The following NXPH1 variants were observed in gnomAD, a reference collection of about 807,000 sequenced individuals.
NXPH1 encodes the protein neurexophilin 1, also known as neurexophilin-1.
NXPH1 carries 5 observed loss-of-function variants against 23.7 expected under a neutral mutation model. The observed-to-expected ratio is 0.21, with a 90% CI of 0.11 to 0.44. The LOEUF is 0.44. NXPH1 is among the 20% of genes least tolerant of loss of function. The pLI is 0.99. For missense variants in NXPH1, 324 were observed against 321.6 expected, an observed-to-expected ratio of 1.01 and a Z score of -0.06; for synonymous variants, 144 against 122.2, an observed-to-expected ratio of 1.18 and a Z score of -1.18.
At chr7:8,613,822 T>A (rs1243106127) in intron 2 of NXPH1, among the ~76,000 whole-genome samples, 1 of 151,886 alleles carries the variant, frequency 6.6e-6, no homozygotes, top group African/African-American at 2.4e-5. Flanking sequence ...GGAACATATA[T>A]CTTGGCCATC....
intron 2 of NXPH1, among the ~76,000 whole-genome samples, chr7:8,726,017 GAA>G (rs1025294930): frequency 9.9e-5 from 15 of 152,262 alleles, no homozygotes; most frequent in African/African-American, 3.4e-4. Context: ...GCTTCCAGGT[GAA>G]ACTCTGGATA....
intron 2 of NXPH1, among the ~76,000 whole-genome samples, chr7:8,737,643 G>A (rs909248250): frequency 2.6e-5 from 4 of 152,098 alleles, no homozygotes; most frequent in African/African-American, 9.7e-5. Flanking sequence ...TATCTTTGTG[G>A]CATTCTCTGT....
chr7:8,579,888 G>A (rs897846195), intron 2 of NXPH1, among the ~76,000 whole-genome samples: 6 of 152,220 alleles, frequency 3.9e-5, no homozygotes, highest in South Asian at 2.1e-4. Context: ...ATCTAGAAGC[G>A]GGTCAGGCAT....
chr7:8,655,288 G>C (rs536633577), intron 2 of NXPH1, among the ~76,000 whole-genome samples: 3 of 152,076 alleles, frequency 2.0e-5, no homozygotes, highest in African/African-American at 7.2e-5. Context: ...GGGAGGCTGA[G>C]GTGGGAGAAT....
intron 2 of NXPH1, among the ~76,000 whole-genome samples, chr7:8,708,748 C>T (rs903690781): frequency 1.3e-5 from 2 of 152,060 alleles, no homozygotes; most frequent in Admixed American, 1.3e-4. Flanking sequence ...TATTATCATA[C>T]TATGAAGAAT....
intron 2 of NXPH1, among the ~76,000 whole-genome samples, chr7:8,492,985 A>C (rs1817275866): frequency 6.6e-6 from 1 of 152,030 alleles, no homozygotes; most frequent in Non-Finnish European, 1.5e-5. Flanking sequence ...TATTAGAGTC[A>C]ATGAGCACAG....
chr7:8,746,232 G>GT (rs60484823), intron 2 of NXPH1, among the ~76,000 whole-genome samples: 2 of 151,986 alleles, frequency 1.3e-5, no homozygotes, highest in African/African-American at 4.8e-5. Flanking sequence ...GAACCTTCCT[G>GT]TTTTTTTCCA....
intron 2 of NXPH1, among the ~76,000 whole-genome samples, chr7:8,507,562 TC>T (rs1431096845): frequency 6.6e-6 from 1 of 152,048 alleles, no homozygotes; most frequent in Non-Finnish European, 1.5e-5. Flanking sequence ...TTCTAGTAGT[TC>T]CCCCAGTGGT....
intron 2 of NXPH1, among the ~76,000 whole-genome samples, chr7:8,532,460 A>ATT (rs1260011264): frequency 2.8e-5 from 1 of 36,192 alleles, no homozygotes; most frequent in Non-Finnish European, 5.0e-5. Context: ...ATCCTTTCAT[A>ATT]TTTTTTTTGG....
chr7:8,671,069 T>C (rs1820861712), intron 2 of NXPH1, among the ~76,000 whole-genome samples: 1 of 152,214 alleles, frequency 6.6e-6, no homozygotes, highest in Admixed American at 6.5e-5. Context: ...CACAGATACA[T>C]ACCATTCAAC....
chr7:8,540,136 T>C (rs1818091148), intron 2 of NXPH1, among the ~76,000 whole-genome samples: 1 of 151,804 alleles, frequency 6.6e-6, no homozygotes, highest in African/African-American at 2.4e-5. Flanking sequence ...GATTCTTATT[T>C]GGGGAAGATC....
intron 2 of NXPH1, among the ~76,000 whole-genome samples, chr7:8,552,889 C>T (rs1354539210): frequency 6.6e-6 from 1 of 151,412 alleles, no homozygotes. Context: ...ATTATTTTTT[C>T]CTTTTTTAAA....
chr7:8,579,216 C>T (rs907926336), intron 2 of NXPH1, among the ~76,000 whole-genome samples: 15 of 152,016 alleles, frequency 9.9e-5, no homozygotes, highest in Non-Finnish European at 1.9e-4. Context: ...AGATAGAGAG[C>T]GAGCAACCAA....
At chr7:8,714,366 C>T (rs2115200409) in intron 2 of NXPH1, among the ~76,000 whole-genome samples, 1 of 152,006 alleles carries the variant, frequency 6.6e-6, no homozygotes, top group East Asian at 2.0e-4. Context: ...CAGGATAGGT[C>T]CAGAGATGCC....
chr7:8,661,753 T>A (rs1288527052), intron 2 of NXPH1, among the ~76,000 whole-genome samples: 1 of 152,126 alleles, frequency 6.6e-6, no homozygotes, highest in Non-Finnish European at 1.5e-5. Flanking sequence ...TTTTCAAGTA[T>A]AAAGGTAGTA....
chr7:8,666,524 G>C (rs1411778631), intron 2 of NXPH1, among the ~76,000 whole-genome samples: 1 of 152,158 alleles, frequency 6.6e-6, no homozygotes, highest in East Asian at 1.9e-4. Flanking sequence ...CCTGGTGTTG[G>C]TATCAGGGTA....
At chr7:8,734,151 T>G (rs1258446395) in intron 2 of NXPH1, among the ~76,000 whole-genome samples, 1 of 152,238 alleles carries the variant, frequency 6.6e-6, no homozygotes, top group Non-Finnish European at 1.5e-5. Context: ...CGTTGCTTGT[T>G]TTTGTCAGGT....
intron 2 of NXPH1, among the ~76,000 whole-genome samples, chr7:8,633,534 C>T (rs6964112): frequency 0.28 from 41,941 of 152,146 alleles, 6,252 homozygotes; most frequent in African/African-American, 0.35. Context: ...CCGAATTTCT[C>T]AGTAGAATAC....
intron 2 of NXPH1, among the ~76,000 whole-genome samples, chr7:8,474,376 T>C (rs999718483): frequency 2.0e-5 from 3 of 152,142 alleles, no homozygotes; most frequent in African/African-American, 7.2e-5. Context: ...TTGTTTTATA[T>C]ATAGTACCAA....
Sources: gnomAD v4.1 joint callset for allele counts (sites outside exome capture counted in the v4.1 genomes callset) on GRCh38, gnomAD v4.1.1 for gene constraint, MANE v1.5 for transcripts, NCBI Gene and HGNC (gene_info 2026-07-23, HGNC 2026-07-21) for gene names.